The following ATL2 variants were observed in gnomAD, a reference collection of about 807,000 sequenced individuals.
ATL2 encodes the protein atlastin GTPase 2, also known as atlastin-2.
Under a neutral mutation model 73.9 loss-of-function variants are expected in ATL2, and 31 were observed. That is an observed-to-expected ratio of 0.42 (90% CI 0.32 to 0.57). The LOEUF (loss-of-function observed/expected upper bound fraction) is 0.57, where lower values mean the gene tolerates loss of function less well. Ranked by LOEUF, ATL2 falls within the 20% of genes least tolerant of loss-of-function variation. The probability of loss-of-function intolerance (pLI) is 0.14; values close to 1 mark genes in which losing one functional copy is unlikely to be tolerated. For missense variants in ATL2, 738 were observed against 702.6 expected (o/e 1.05, Z -0.57); for synonymous variants, 291 against 237.5 (o/e 1.23, Z -2.07).
At chr2:38,337,415 G>A (rs940866973) in intron 2 of ATL2, among the ~76,000 whole-genome samples, 35 of 141,350 alleles carry the variant, frequency 2.5e-4, no homozygotes, top group African/African-American at 1.6e-4. Flanking sequence ...GAACCCAGGA[G>A]GCAGAGGTTG....
chr2:38,320,866 C>G (rs1668281308), intron 2 of ATL2, among the ~76,000 whole-genome samples: 1 of 151,976 alleles, frequency 6.6e-6, no homozygotes, highest in African/African-American at 2.4e-5. Flanking sequence ...CAGTGTCAGC[C>G]AGGCACAGTG....
At chr2:38,331,437 G>GAAAAAAA (rs34238912) in intron 2 of ATL2, among the ~76,000 whole-genome samples, 3 of 80,336 alleles carry the variant, frequency 3.7e-5, no homozygotes, top group Non-Finnish European at 4.9e-5. Context: ...TCTGTCTCAA[G>GAAAAAAA]AAAAAAAAAA....
intron 1 of ATL2, among the ~76,000 whole-genome samples, chr2:38,346,721 G>A (rs1487902984): frequency 6.6e-6 from 1 of 152,214 alleles, no homozygotes; most frequent in Non-Finnish European, 1.5e-5. Flanking sequence ...GCGAAGCTCA[G>A]GCAGTAATGC....
At chr2:38,332,694 A>G (rs1294921902) in intron 2 of ATL2, among the ~76,000 whole-genome samples, 1 of 152,232 alleles carries the variant, frequency 6.6e-6, no homozygotes, top group Non-Finnish European at 1.5e-5. Context: ...ACTCCTAGTC[A>G]CACAAAACCC....
intron 2 of ATL2, among the ~76,000 whole-genome samples, chr2:38,338,743 G>T (rs188678293): frequency 6.6e-6 from 1 of 152,128 alleles, no homozygotes; most frequent in African/African-American, 2.4e-5. Flanking sequence ...ACCAACAGGT[G>T]AAGAGTACCA....
At position 38,296,103 on chromosome 2, in the gene ATL2, G is replaced by C. The variant is rs1479543020; in HGVS notation, c.1643C>G (p.Pro548Arg). 12 of 1,550,376 alleles carry C rather than the reference G, an allele frequency of 7.7e-6. No homozygotes were observed. The Admixed American group carries it at 1.4e-4, about 18-fold the overall frequency. The change falls in exon 13 of 13, where the codon CCC becomes CGC. Residue 548 changes from proline to arginine, a missense_variant. Pro to Arg is a moderately radical substitution (Grantham distance 103). Transcript: ENST00000378954. ...TTCCTCCATCAAATTATCACCCAGGGGCTTCAATACCTGTGGTATGAGAAA... is the reference window on the plus strand; with the variant it reads ...TTCCTCCATCAAATTATCACCCAGGCGCTTCAATACCTGTGGTATGAGAAA... ...AETLWEQVLK[P>R]LGDNLMEENI... is the part of the protein sequence containing the mutation.
At chr2:38,374,032 C>A (rs1237584320) in intron 1 of ATL2, among the ~76,000 whole-genome samples, 1 of 152,300 alleles carries the variant, frequency 6.6e-6, no homozygotes. Flanking sequence ...GCTGGGATTA[C>A]AGCCATGCGC....
At chr2:38,344,749 G>A (rs1416057526) in intron 1 of ATL2, among the ~76,000 whole-genome samples, 1 of 152,102 alleles carries the variant, frequency 6.6e-6, no homozygotes, top group Admixed American at 6.6e-5. Flanking sequence ...TACTACTACA[G>A]CCTCCTCATT....
At chr2:38,338,655 GTTCT>G (rs1386040250) in intron 2 of ATL2, among the ~76,000 whole-genome samples, 2 of 152,012 alleles carry the variant, frequency 1.3e-5, no homozygotes, top group East Asian at 1.9e-4. Flanking sequence ...CTCTTTCCCT[GTTCT>G]TTGAGGTTGG....
At chr2:38,327,805 G>A (rs1057440466) in intron 2 of ATL2, among the ~76,000 whole-genome samples, 5 of 152,056 alleles carry the variant, frequency 3.3e-5, no homozygotes, top group East Asian at 3.9e-4. Flanking sequence ...GCGTGGTGGC[G>A]GGTGCCTGTA....
At chr2:38,327,075 A>C (rs1668704917) in intron 2 of ATL2, among the ~76,000 whole-genome samples, 1 of 151,910 alleles carries the variant, frequency 6.6e-6, no homozygotes, top group Non-Finnish European at 1.5e-5. Context: ...AAAAAACCCC[A>C]CCAAACTAGA....
At chr2:38,370,076 C>A (rs1231888110) in intron 1 of ATL2, among the ~76,000 whole-genome samples, 1 of 145,408 alleles carries the variant, frequency 6.9e-6, no homozygotes, top group South Asian at 2.2e-4. Flanking sequence ...ATGGCGTGAA[C>A]CCCGGGGGGC....
In ATL2 at chr2:38,368,364, T is replaced by C. The variant is rs1030466849; in HGVS notation, c.118+8779A>G. Among the ~76,000 whole-genome samples the C allele has an allele frequency of 7.9e-5, 12 of 151,754 alleles. 1 individual carries two copies. The highest frequency in any genetic ancestry group is 7.4e-5 in the Non-Finnish European group (5 of 67,958). On this transcript the variant is annotated intron_variant, in intron 1 of 12. Coordinates refer to ENST00000378954, the MANE Select transcript of ATL2 (RefSeq NM_001135673.4). The stretch of plus-strand genomic sequence containing the variant: ...ACCTCCCAGGTTCAAGCGATTCTCC[T>C]GCCTCAGCCTCCCTAGTAGCTGGGA...
At chr2:38,364,824 C>A (rs1671215061) in intron 1 of ATL2, among the ~76,000 whole-genome samples, 1 of 152,132 alleles carries the variant, frequency 6.6e-6, no homozygotes, top group Middle Eastern at 3.4e-3. Context: ...GCGGGTGGAT[C>A]ACGAGGTCAG....
At chr2:38,343,673 G>T (rs907362966) in intron 1 of ATL2, among the ~76,000 whole-genome samples, 161 bp from the exon 2 acceptor site, 1 of 152,018 alleles carries the variant, frequency 6.6e-6, no homozygotes, top group African/African-American at 2.4e-5. Context: ...TCTGTGACAG[G>T]ACAAAGAATG....
chr2:38,332,962 CAGG>C (rs1397953443), intron 2 of ATL2, among the ~76,000 whole-genome samples: 2 of 152,140 alleles, frequency 1.3e-5, no homozygotes, highest in Non-Finnish European at 2.9e-5. Context: ...GAGGCTGAGG[CAGG>C]AGGATTGCTT....
intron 1 of ATL2, among the ~76,000 whole-genome samples, chr2:38,354,653 G>A (rs548225632): frequency 1.7e-4 from 26 of 152,298 alleles, no homozygotes; most frequent in African/African-American, 5.8e-4. Flanking sequence ...ACTTTGGAAG[G>A]CCAAGGCAGG....
chr2:38,362,612 A>C (rs1350174049), intron 1 of ATL2, among the ~76,000 whole-genome samples: 2 of 152,220 alleles, frequency 1.3e-5, no homozygotes, highest in African/African-American at 2.4e-5. Flanking sequence ...CAAGGGGTGA[A>C]AGGTCTAGAA....
intron 4 of ATL2, 36 bp from the exon 5 acceptor site, chr2:38,315,370 G>A (rs199509896): frequency 2.0e-4 from 300 of 1,488,912 alleles, no homozygotes; most frequent in Non-Finnish European, 2.4e-4. Flanking sequence ...TTTTATTAGT[G>A]TTTTGTTCTG....
Sources: allele counts gnomAD v4.1 joint callset (sites outside exome capture counted in the v4.1 genomes callset), GRCh38; gene constraint gnomAD v4.1.1; transcripts MANE v1.5; gene names NCBI Gene and HGNC (gene_info 2026-07-23, HGNC 2026-07-21).